Variants in SCFD2 observed in about 807,000 individuals in gnomAD.
SCFD2 encodes sec1 family domain-containing protein 2.
SCFD2 carries 54 observed loss-of-function variants against 58.9 expected under a neutral mutation model. The observed-to-expected ratio is 0.92, with a 90% CI of 0.74 to 1.15. The LOEUF (loss-of-function observed/expected upper bound fraction) is 1.15. Among genes scored for constraint, SCFD2 ranks in the 50% most tolerant of loss-of-function variants. The pLI is 0.00. For missense variants in SCFD2, 805 were observed against 836.6 expected (o/e 0.96, Z 0.47); for synonymous variants, 321 against 335.9 (o/e 0.96, Z 0.49).
rs59321045 is a variant in SCFD2 at position 53,258,538 on chromosome 4, GTATA to G, written c.1311+15284_1311+15287del. On this transcript the variant is annotated intron_variant, in intron 4 of 8. Coordinates refer to ENST00000401642, the MANE Select transcript of SCFD2 (RefSeq NM_152540.4). ...CTAAGTCGTATTCCATGGTGTGTGT[GTATA>G]TATATATATATATATATATATATAT... 5.7e-3 allele frequency among the ~76,000 whole-genome samples: 685 copies of G among 119,916 alleles called. 9 individuals are homozygous for G. The highest frequency in any genetic ancestry group is 0.014 in the African/African-American group (410 of 29,266). 78.7% of individuals were successfully genotyped at this position (119,916 alleles called of 152,430 possible).
intron 3 of SCFD2, among the ~76,000 whole-genome samples, chr4:53,298,865 C>A (rs1246068205): frequency 2.0e-5 from 3 of 152,204 alleles, no homozygotes; most frequent in African/African-American, 7.2e-5. Flanking sequence ...TAAACTCCCA[C>A]AGACCTGCAG....
intron 5 of SCFD2, among the ~76,000 whole-genome samples, chr4:52,933,438 G>A (rs891740514): frequency 4.6e-5 from 7 of 152,146 alleles, no homozygotes; most frequent in Non-Finnish European, 7.3e-5. Flanking sequence ...AAAGCTTTAG[G>A]GCTTCTAGGC....
At chr4:53,330,128 C>T (rs1415754210) in intron 2 of SCFD2, among the ~76,000 whole-genome samples, 1 of 152,150 alleles carries the variant, frequency 6.6e-6, no homozygotes, top group African/African-American at 2.4e-5. Context: ...ATTGCTGTAC[C>T]TGAAAGTGAT....
intron 5 of SCFD2, among the ~76,000 whole-genome samples, chr4:53,107,528 G>A (rs544536879): frequency 6.2e-4 from 94 of 151,934 alleles, no homozygotes; most frequent in African/African-American, 2.2e-3. Flanking sequence ...AGAGATGGAG[G>A]GATATTTAAC....
intron 1 of SCFD2, among the ~76,000 whole-genome samples, chr4:53,359,116 C>T (rs1734481055): frequency 6.6e-6 from 1 of 152,044 alleles, no homozygotes; most frequent in Non-Finnish European, 1.5e-5. Flanking sequence ...AGAAATACTA[C>T]TTTCAGCAAA....
At chr4:53,032,318 C>A (rs1251668345) in intron 5 of SCFD2, among the ~76,000 whole-genome samples, 3 of 152,114 alleles carry the variant, frequency 2.0e-5, no homozygotes, top group Non-Finnish European at 4.4e-5. Flanking sequence ...ACAATCGGTA[C>A]CAGCCACTGC....
At chr4:53,180,984 A>G (rs978964341) in intron 4 of SCFD2, among the ~76,000 whole-genome samples, 1 of 152,176 alleles carries the variant, frequency 6.6e-6, no homozygotes, top group African/African-American at 2.4e-5. Flanking sequence ...TAGACCAATA[A>G]CAGGCTCTGA....
intron 5 of SCFD2, among the ~76,000 whole-genome samples, chr4:53,018,402 A>G (rs1221547380): frequency 6.6e-6 from 1 of 152,226 alleles, no homozygotes; most frequent in Non-Finnish European, 1.5e-5. Flanking sequence ...ATTGCTCCAA[A>G]TAACATGATA....
chr4:53,150,428 C>T (rs1007815538), intron 4 of SCFD2, among the ~76,000 whole-genome samples: 1 of 152,158 alleles, frequency 6.6e-6, no homozygotes, highest in Non-Finnish European at 1.5e-5. Flanking sequence ...CTAGACTAGA[C>T]CCTCCTAGTG....
Position 53,348,273 on chromosome 4 carries a change from C to T in SCFD2, c.1007+4325G>A, listed in dbSNP as rs542553685. Reference sequence around the variant, plus strand: ...ATCTTAGCAAATAAATTTTGACTATCAAAGCTTACTGCTTTTTAAAGACTT... The same window carrying T: ...ATCTTAGCAAATAAATTTTGACTATTAAAGCTTACTGCTTTTTAAAGACTT... On this transcript the variant is annotated intron_variant, in intron 2 of 8. Coordinates refer to ENST00000401642, the MANE Select transcript of SCFD2 (RefSeq NM_152540.4). Among the ~76,000 whole-genome samples the T allele has an allele frequency of 2.0e-5, 3 of 152,314 alleles. No individual in the cohort carries two copies. In the South Asian group the frequency reaches 6.2e-4, roughly 32 times the overall value.
intron 8 of SCFD2, 85 bp downstream of exon 8, chr4:52,885,662 A>G: frequency 1.3e-6 from 2 of 1,513,030 alleles, no homozygotes; most frequent in Non-Finnish European, 1.8e-6. Context: ...GGAGAGGGGC[A>G]CTGGGACCCA....
intron 4 of SCFD2, among the ~76,000 whole-genome samples, chr4:53,211,807 C>A (rs762565027): frequency 6.6e-6 from 1 of 151,976 alleles, no homozygotes; most frequent in Non-Finnish European, 1.5e-5. Flanking sequence ...TAAATTTTTC[C>A]ATTTTATTTC....
intron 5 of SCFD2, among the ~76,000 whole-genome samples, chr4:53,004,617 G>A (rs1217076322): frequency 6.6e-6 from 1 of 152,214 alleles, no homozygotes; most frequent in South Asian, 2.1e-4. Context: ...GGTAGAGTTA[G>A]AATTTGAAAG....
intron 4 of SCFD2, among the ~76,000 whole-genome samples, chr4:53,266,948 T>TA (rs930121841): frequency 1.2e-4 from 19 of 152,356 alleles, no homozygotes; most frequent in African/African-American, 4.1e-4. Context: ...ATTAAGTGTA[T>TA]AAATCTATTG....
intron 5 of SCFD2, among the ~76,000 whole-genome samples, chr4:52,923,361 C>T (rs1392595585): frequency 2.0e-5 from 3 of 151,936 alleles, no homozygotes; most frequent in Non-Finnish European, 4.4e-5. Flanking sequence ...GCGTATAATC[C>T]GAGCTACTTG....
intron 5 of SCFD2, among the ~76,000 whole-genome samples, chr4:52,954,705 A>AT (rs1302663785): frequency 6.6e-6 from 1 of 152,218 alleles, no homozygotes; most frequent in African/African-American, 2.4e-5. Flanking sequence ...ACACAGCTGC[A>AT]TCAGAATCAA....
Position 52,914,375 on chromosome 4 carries a change from G to A in SCFD2, c.1707+6350C>T, listed in dbSNP as rs549013566. ...AGAGGAATTAGCTCCTACAGGATAT[G>A]AGGTTTTTAAGCCAGGGGACTGGTG... On this transcript the variant is annotated intron_variant, in intron 6 of 8. Coordinates refer to ENST00000401642, the MANE Select transcript of SCFD2 (RefSeq NM_152540.4). 3.9e-5 allele frequency among the ~76,000 whole-genome samples: 6 copies of A among 152,314 alleles called. No homozygotes were observed. The South Asian group carries it at 1.0e-3, about 26-fold the overall frequency.
At chr4:53,244,096 A>T (rs1024194882) in intron 4 of SCFD2, among the ~76,000 whole-genome samples, 1 of 152,032 alleles carries the variant, frequency 6.6e-6, no homozygotes, top group Non-Finnish European at 1.5e-5. Context: ...ATAAAACAAG[A>T]TCTTAAGGAC....
At chr4:52,900,092 T>C (rs1252849173) in intron 7 of SCFD2, among the ~76,000 whole-genome samples, 1 of 152,200 alleles carries the variant, frequency 6.6e-6, no homozygotes, top group East Asian at 1.9e-4. Flanking sequence ...GCCATGGGTT[T>C]GAACTTCCTC....
Sources: allele counts gnomAD v4.1 joint callset (sites outside exome capture counted in the v4.1 genomes callset), GRCh38; gene constraint gnomAD v4.1.1; transcripts MANE v1.5; gene names NCBI Gene and HGNC (gene_info 2026-07-23, HGNC 2026-07-21).